Variants in DNAJB8 observed in about 807,000 individuals in gnomAD.
DNAJB8 encodes DnaJ heat shock protein family (Hsp40) member B8.
For missense variants in DNAJB8, 354 were observed against 318.9 expected (o/e 1.11, Z -0.84); for synonymous variants, 127 against 127.1 (o/e 1.00, Z 0.00).
chr3:128,462,825 A>T lies in DNAJB8; in HGVS notation c.421T>A (p.Phe141Ile). The T allele has an allele frequency of 6.2e-7, 1 of 1,614,058 alleles. No individual in the cohort carries two copies. Among genetic ancestry groups the T allele is most frequent in the Non-Finnish European group, 8.5e-7 (1 of 1,180,024 alleles). Reference protein sequence around the residue: ...RGAFSAGFGEFPAFMEAFSSF... With the variant: ...RGAFSAGFGEIPAFMEAFSSF... ...GAGAAGGCCTCCATGAAGGCCGGAA[A>T]TTCTCCAAAGCCTGCCGAGAAGGCC... The change falls in exon 3 of 3, where the codon TTT becomes ATT. Residue 141 changes from phenylalanine (F) to isoleucine (I), a missense_variant. Coordinates refer to ENST00000319153, the MANE Select transcript of DNAJB8 (RefSeq NM_153330.6).
rs1258879828 is a variant in DNAJB8 at position 128,462,975 on chromosome 3, A to T, written c.271T>A (p.Tyr91Asn). The change falls in exon 3 of 3, where the codon TAC (tyrosine) becomes AAC (asparagine). Residue 91 changes from tyrosine to asparagine, a missense_variant. By Grantham distance (143) the Tyr-to-Asn change is moderately radical. Transcript: ENST00000319153. ...ATGTCCTCAGGGTTACGGAAGGTGTAGCCGGTGTCGAAGGGGCTGTGGTAG... is the reference window on the plus strand; with the variant it reads ...ATGTCCTCAGGGTTACGGAAGGTGTTGCCGGTGTCGAAGGGGCTGTGGTAG... ...TPYHSPFDTGYTFRNPEDIFR... is the reference protein window; with the variant it reads ...TPYHSPFDTGNTFRNPEDIFR... The T allele has an allele frequency of 2.5e-6, 4 of 1,614,044 alleles. No homozygotes were observed. Among genetic ancestry groups the T allele is most frequent in the Non-Finnish European group, 3.4e-6 (4 of 1,180,034 alleles).
rs1038265644 is a variant in DNAJB8 at position 128,466,847 on chromosome 3, C to A, written c.-1260G>T. On this transcript the variant is annotated 5_prime_UTR_variant, in exon 1 of 3. Coordinates refer to ENST00000319153, the MANE Select transcript of DNAJB8 (RefSeq NM_153330.6). ...ATGGATGGGGAGCTTCCTGGAATAC[C>A]GTGAGCTCCTCAGCAGCTCCCAGGC... 6.6e-6 allele frequency: 1 copy of A among 152,184 alleles called. No homozygotes were observed. The highest frequency in any genetic ancestry group is 2.4e-5 in the African/African-American group (1 of 41,438). The allele number at this position is 152,184 out of a possible 1,614,324, so 9.4% of individuals were successfully genotyped here.
In DNAJB8 at chr3:128,466,696, C is replaced by T. The variant is rs2068516316; in HGVS notation, c.-1109G>A. ...CACCGGTATAATTCCAGACTAGAGCCTGCCAATACAAGGGATTTGGAGAGT... is the reference window on the plus strand; with the variant it reads ...CACCGGTATAATTCCAGACTAGAGCTTGCCAATACAAGGGATTTGGAGAGT... On this transcript the variant is annotated 5_prime_UTR_variant, in exon 1 of 3. Coordinates refer to ENST00000319153, the MANE Select transcript of DNAJB8 (RefSeq NM_153330.6). The T allele has an allele frequency of 6.6e-6, 1 of 152,194 alleles. No homozygotes were observed. The highest frequency in any genetic ancestry group is 2.4e-5 in the African/African-American group (1 of 41,442). The allele number at this position is 152,194 out of a possible 1,614,324, so 9.4% of individuals were successfully genotyped here.
chr3:128,463,039 G>A lies in DNAJB8; in HGVS notation c.207C>T (p.Gly69=), dbSNP rs1287700436. 1 of 1,614,112 alleles carries A rather than the reference G, an allele frequency of 6.2e-7. No individual in the cohort carries two copies. Among genetic ancestry groups the A allele is most frequent in the Non-Finnish European group, 8.5e-7 (1 of 1,180,038 alleles). ...CGCCACCAGCCCGCCAGCTGTCACA[G>A]CCAGCACGGTCATACAGGGAGCGTT... is the stretch of plus-strand genomic sequence containing the variant. ...SKKRSLYDRA[G]CDSWRAGGGA... Residue 69 remains glycine, a synonymous_variant, in exon 3 of 3, where the codon GGC becomes GGT. Transcript: ENST00000319153.
Position 128,466,680 on chromosome 3 carries a change from A to T in DNAJB8, c.-1093T>A, listed in dbSNP as rs1302688445. ...TTTTCCAGAATCCCATCACCGGTAT[A>T]ATTCCAGACTAGAGCCTGCCAATAC... On this transcript the variant is annotated 5_prime_UTR_variant, in exon 1 of 3. Coordinates refer to ENST00000319153, the MANE Select transcript of DNAJB8 (RefSeq NM_153330.6). 1 of 152,224 alleles carries T rather than the reference A, an allele frequency of 6.6e-6. No individual in the cohort carries two copies. The highest frequency in any genetic ancestry group is 2.4e-5 in the African/African-American group (1 of 41,438). The allele number at this position is 152,224 out of a possible 1,614,324, so 9.4% of individuals were successfully genotyped here.
chr3:128,462,530 G>A lies in DNAJB8; in HGVS notation c.*17C>T, dbSNP rs1253013292. The A allele has an allele frequency of 3.8e-6, 6 of 1,583,880 alleles. No homozygotes were observed. Among genetic ancestry groups the A allele is most frequent in the Non-Finnish European group, 5.2e-6 (6 of 1,161,940 alleles). On this transcript the variant is annotated 3_prime_UTR_variant, in exon 3 of 3. Coordinates refer to ENST00000319153, the MANE Select transcript of DNAJB8 (RefSeq NM_153330.6). ...CACGGTGGTGGTGGTGGGAAGGCAG[G>A]GCCGGGTGGCCAGCGCCTACTTGCT...
In DNAJB8 at chr3:128,463,106, T is replaced by A. The variant is rs751552556; in HGVS notation, c.140A>T (p.Lys47Met). Residue 47 changes from lysine to methionine, a missense_variant, in exon 3 of 3, where the codon AAG becomes ATG. Coordinates refer to ENST00000319153, the MANE Select transcript of DNAJB8 (RefSeq NM_153330.6). ...AACCTCATAGGCCTCAGACACCAGCTTGAACTTCTTCTCCGCCTCCTCCTT... is the reference window on the plus strand; with the variant it reads ...AACCTCATAGGCCTCAGACACCAGCATGAACTTCTTCTCCGCCTCCTCCTT... ...DNKEEAEKKFKLVSEAYEVLS... is the reference protein window; with the variant it reads ...DNKEEAEKKFMLVSEAYEVLS... 6.2e-6 allele frequency: 10 copies of A among 1,614,224 alleles called. No homozygotes were observed. Among genetic ancestry groups the A allele is most frequent in the Non-Finnish European group, 8.5e-6 (10 of 1,180,038 alleles).
rs1375334539 is a variant in DNAJB8 at position 128,462,550 on chromosome 3, C to T, written c.696G>A (p.Lys232=). 3 of 1,599,674 alleles carry T rather than the reference C, an allele frequency of 1.9e-6. No individual in the cohort carries two copies. Among genetic ancestry groups the T allele is most frequent in the Admixed American group, 3.4e-5 (2 of 59,540 alleles). ...GKEQLKWMDS[K] is the part of the protein sequence containing the mutation. ...GGCAGGGCCGGGTGGCCAGCGCCTA[C>T]TTGCTGTCCATCCATTTGAGCTGCT... Residue 232 remains lysine (K), a synonymous_variant, in exon 3 of 3, where the codon AAG becomes AAA. Coordinates refer to ENST00000319153, the MANE Select transcript of DNAJB8 (RefSeq NM_153330.6).
Position 128,465,414 on chromosome 3 carries a change from T to A in DNAJB8, c.-1004A>T, listed in dbSNP as rs573628264. On this transcript the variant is annotated 5_prime_UTR_variant, in exon 2 of 3. Transcript: ENST00000319153. ...TATGTCTCGGTTAGCAGTTAGCACC[T>A]GCTGTCCCTTGCAGGCTTGTTCCTG... 1 of 152,488 alleles carries A rather than the reference T, an allele frequency of 6.6e-6. No individual in the cohort carries two copies. Among genetic ancestry groups the A allele is most frequent in the South Asian group, 2.1e-4 (1 of 4,830 alleles). The allele number at this position is 152,488 out of a possible 1,614,324, so 9.4% of individuals were successfully genotyped here.
In DNAJB8 at chr3:128,464,028, C is replaced by T. The variant is rs546012355; in HGVS notation, c.-783G>A. The T allele has an allele frequency of 2.2e-4, 36 of 167,016 alleles. No individual in the cohort carries two copies. The highest frequency in any genetic ancestry group is 7.9e-4 in the African/African-American group (33 of 41,568). The allele number at this position is 167,016 out of a possible 1,614,324, so 10.3% of individuals were successfully genotyped here. A position where few individuals can be genotyped will look rare whatever the true frequency, so the allele number is the denominator to read the frequency against. On this transcript the variant is annotated 5_prime_UTR_variant, in exon 3 of 3. In the 5' UTR this introduces an upstream ATG that the reference lacks. Coordinates refer to ENST00000319153, the MANE Select transcript of DNAJB8 (RefSeq NM_153330.6). ...GAGACACACAGTGCTCAAGGTCACACAGCGAGTCAGTGAGGGAGGGGATGT... is the reference window on the plus strand; with the variant it reads ...GAGACACACAGTGCTCAAGGTCACATAGCGAGTCAGTGAGGGAGGGGATGT...
At position 128,463,206 on chromosome 3, in the gene DNAJB8, C is replaced by T. The variant is rs774385365; in HGVS notation, c.40G>A (p.Ala14Thr). The change falls in exon 3 of 3, where the codon GCT (alanine) becomes ACT (threonine). Residue 14 changes from alanine to threonine, a missense_variant. Transcript: ENST00000319153. ...YYEVLGVQAS[A>T]SPEDIKKAYR... ...GCTTTCTTGATGTCCTCCGGGGAAG[C>T]GCTGGCCTGCACGCCCAGCACTTCG... 18 of 1,613,920 alleles carry T rather than the reference C, an allele frequency of 1.1e-5. No homozygotes were observed. The highest frequency in any genetic ancestry group is 8.8e-5 in the South Asian group (8 of 91,048).
rs929136423 is a variant in DNAJB8 at position 128,466,807 on chromosome 3, G to A, written c.-1220C>T. The A allele has an allele frequency of 6.6e-6, 1 of 152,212 alleles. No individual in the cohort carries two copies. Among genetic ancestry groups the A allele is most frequent in the Non-Finnish European group, 1.5e-5 (1 of 68,030 alleles). 9.4% of individuals were successfully genotyped at this position (152,212 alleles called of 1,614,324 possible). On this transcript the variant is annotated 5_prime_UTR_variant, in exon 1 of 3. Coordinates refer to ENST00000319153, the MANE Select transcript of DNAJB8 (RefSeq NM_153330.6). Reference sequence around the variant, plus strand: ...TCTTCTGCGAAGACCCTGCTTCTGAGCCACAGGCTGAGGCATGGATGGGGA... The same window carrying A: ...TCTTCTGCGAAGACCCTGCTTCTGAACCACAGGCTGAGGCATGGATGGGGA...
At position 128,462,978 on chromosome 3, in the gene DNAJB8, C is replaced by G. The variant is rs371803176; in HGVS notation, c.268G>C (p.Gly90Arg). ...TCCTCAGGGTTACGGAAGGTGTAGC[C>G]GGTGTCGAAGGGGCTGTGGTAGGGC... ...STPYHSPFDT[G>R]YTFRNPEDIF... The change falls in exon 3 of 3, where the codon GGC becomes CGC. Residue 90 changes from glycine (G) to arginine (R), a missense_variant. Coordinates refer to ENST00000319153, the MANE Select transcript of DNAJB8 (RefSeq NM_153330.6). The G allele has an allele frequency of 1.9e-6, 3 of 1,614,062 alleles. No homozygotes were observed. Among genetic ancestry groups the G allele is most frequent in the Admixed American group, 1.7e-5 (1 of 60,000 alleles).
chr3:128,463,045 A>T lies in DNAJB8; in HGVS notation c.201T>A (p.Arg67=). 6.2e-7 allele frequency: 1 copy of T among 1,614,184 alleles called. No individual in the cohort carries two copies. Residue 67 remains arginine (R), a synonymous_variant, in exon 3 of 3, where the codon CGT becomes CGA. Transcript: ENST00000319153. ...SDSKKRSLYD[R]AGCDSWRAGG... The stretch of plus-strand genomic sequence containing the variant: ...CAGCCCGCCAGCTGTCACAGCCAGC[A>T]CGGTCATACAGGGAGCGTTTCTTGG...
intron 1 of DNAJB8, chr3:128,465,674 T>A (rs1181608252): frequency 3.3e-5 from 5 of 152,502 alleles, no homozygotes; most frequent in African/African-American, 1.2e-4. Flanking sequence ...TTGATCATGA[T>A]GATGGTGATG....
Position 128,463,409 on chromosome 3 carries a change from C to A in DNAJB8, c.-164G>T. 1 of 620,120 alleles carries A rather than the reference C, an allele frequency of 1.6e-6. No homozygotes were observed. The highest frequency in any genetic ancestry group is 2.8e-6 in the Non-Finnish European group (1 of 354,186). 38.4% of individuals were successfully genotyped at this position (620,120 alleles called of 1,614,324 possible). A position where few individuals can be genotyped will look rare whatever the true frequency, so the allele number is the denominator to read the frequency against. The stretch of plus-strand genomic sequence containing the variant: ...AGGCAAGATTCTGCCCAGGAGTTCA[C>A]CTTTTCGTAGTACCAATTCTCAGGG... On this transcript the variant is annotated 5_prime_UTR_variant, in exon 3 of 3. Transcript: ENST00000319153.
Position 128,462,767 on chromosome 3 carries a change from C to T in DNAJB8, c.479G>A (p.Ser160Asn), listed in dbSNP as rs772593121. The change falls in exon 3 of 3, where the codon AGC becomes AAC. Residue 160 changes from serine (S) to asparagine (N), a missense_variant. Ser to Asn is a conservative substitution (Grantham distance 46). Transcript: ENST00000319153. The stretch of plus-strand genomic sequence containing the variant: ...GGAGGTGGATGAGAAGGTGGTGTGG[C>T]TGCCCCCGCTGCAGCCCAGCATGTT... Reference protein sequence around the residue: ...SFNMLGCSGGSHTTFSSTSFG... With the variant: ...SFNMLGCSGGNHTTFSSTSFG... 1 of 1,614,130 alleles carries T rather than the reference C, an allele frequency of 6.2e-7. No homozygotes were observed. The highest frequency in any genetic ancestry group is 1.1e-5 in the South Asian group (1 of 91,082).
intron 2 of DNAJB8, among the ~76,000 whole-genome samples, chr3:128,464,882 C>A (rs990624978): frequency 1.5e-5 from 2 of 136,256 alleles, no homozygotes; most frequent in Non-Finnish European, 3.1e-5. Flanking sequence ...TTTCCTCCTT[C>A]CTTCCTTCCT....
rs750443437 is a variant in DNAJB8 at position 128,462,790 on chromosome 3, G to A, written c.456C>T (p.Asn152=). ...PAFMEAFSSF[N]MLGCSGGSHT... ...GGCTGCCCCCGCTGCAGCCCAGCAT[G>A]TTGAAGGATGAGAAGGCCTCCATGA... Residue 152 remains asparagine, a synonymous_variant, in exon 3 of 3, where the codon AAC becomes AAT. Transcript: ENST00000319153. 1.2e-6 allele frequency: 2 copies of A among 1,614,150 alleles called. No homozygotes were observed. The highest frequency in any genetic ancestry group is 1.1e-5 in the South Asian group (1 of 91,088).
Sources: gnomAD v4.1 joint callset for allele counts (sites outside exome capture counted in the v4.1 genomes callset) on GRCh38, gnomAD v4.1.1 for gene constraint, MANE v1.5 for transcripts, NCBI Gene and HGNC (gene_info 2026-07-23, HGNC 2026-07-21) for gene names.